Variants in FAM83C observed in about 807,000 individuals in gnomAD.
FAM83C encodes protein FAM83C.
FAM83C carries 23 observed loss-of-function variants against 27.1 expected under a neutral mutation model. The observed-to-expected ratio is 0.85, with a 90% CI of 0.61 to 1.20. FAM83C has a LOEUF of 1.20. FAM83C is among the 50% of genes most tolerant of loss of function. FAM83C has a pLI of 0.00. For missense variants in FAM83C, 984 were observed against 1,001.3 expected, an observed-to-expected ratio of 0.98 and a Z score of 0.23; for synonymous variants, 426 against 423.1, an observed-to-expected ratio of 1.01 and a Z score of -0.09.
At position 35,286,492 on chromosome 20, in the gene FAM83C, G is replaced by A. The variant is rs776117018; in HGVS notation, c.*43C>T. The A allele has an allele frequency of 1.3e-6, 2 of 1,530,080 alleles. No individual in the cohort carries two copies. Among genetic ancestry groups the A allele is most frequent in the Non-Finnish European group, 1.8e-6 (2 of 1,140,314 alleles). The allele number at this position is 1,530,080 out of a possible 1,614,324, so 94.8% of individuals were successfully genotyped here. On this transcript the variant is annotated 3_prime_UTR_variant, in exon 4 of 4. Coordinates refer to ENST00000374408, the MANE Select transcript of FAM83C (RefSeq NM_178468.6). ...GTCCAGAGTCTCGGTGGACAGAGGA[G>A]GGGCCTGCCCTTGCCAGTGCACCCC... is the stretch of plus-strand genomic sequence containing the variant.
In FAM83C at chr20:35,286,998, G is replaced by C. The variant is rs767610653; in HGVS notation, c.1781C>G (p.Ser594Ter). Residue 594 changes from serine (S) to a stop codon, truncating the protein, a stop_gained, in exon 4 of 4, where the codon TCA (serine) becomes TGA (stop). Coordinates refer to ENST00000374408, the MANE Select transcript of FAM83C (RefSeq NM_178468.6). LOFTEE classifies it high-confidence loss of function. ...CTTGGGGTACTGCATCAGGAGGTCTGATTGGCCACGGCTTTGGTTTAGGGA... is the reference window on the plus strand; with the variant it reads ...CTTGGGGTACTGCATCAGGAGGTCTCATTGGCCACGGCTTTGGTTTAGGGA... ...RLSLNQSRGQ[S>*]DLLMQYPKAQ... The C allele has an allele frequency of 3.7e-6, 6 of 1,610,358 alleles. No homozygotes were observed. Among genetic ancestry groups the C allele is most frequent in the Non-Finnish European group, 5.1e-6 (6 of 1,180,008 alleles).
chr20:35,286,548 C>G lies in FAM83C; in HGVS notation c.2231G>C (p.Arg744Pro). The G allele has an allele frequency of 1.2e-6, 2 of 1,609,754 alleles. No individual in the cohort carries two copies. The highest frequency in any genetic ancestry group is 1.7e-6 in the Non-Finnish European group (2 of 1,177,574). The change falls in exon 4 of 4, where the codon CGC becomes CCC. Residue 744 changes from arginine (R) to proline (P), a missense_variant. Arg to Pro is a moderately radical substitution (Grantham distance 103). Transcript: ENST00000374408. ...CCAGTCCTTTGGCTAGGACTCAAAG[C>G]GGCTTCGGAGCTGCTTGAACTTGGA... ...NKSKFKQLRS[R>P]FES
chr20:35,288,953 C>T lies in FAM83C; in HGVS notation c.519G>A (p.Val173=). 1 of 1,613,224 alleles carries T rather than the reference C, an allele frequency of 6.2e-7. No individual in the cohort carries two copies. Among genetic ancestry groups the T allele is most frequent in the Non-Finnish European group, 8.5e-7 (1 of 1,179,580 alleles). The change falls in exon 2 of 4, where the codon GTG becomes GTA. Residue 173 remains valine, a synonymous_variant. Coordinates refer to ENST00000374408, the MANE Select transcript of FAM83C (RefSeq NM_178468.6). The part of the protein sequence containing the change: ...RFLFSQAHTV[V]AVVMDIFTDM... ...CAGTGAATATGTCCATCACCACAGC[C>T]ACCACCTGGGTGGGGGGAGGCACAC...
intron 3 of FAM83C, 22 bp from the exon 4 acceptor site, chr20:35,287,994 G>C (rs1038708645): frequency 6.4e-7 from 1 of 1,554,500 alleles, no homozygotes; most frequent in Non-Finnish European, 8.7e-7. Context: ...GGGACAGGGG[G>C]GTCAGGAGGC....
chr20:35,292,363 C>T lies in FAM83C; in HGVS notation c.-59G>A. 1 of 1,435,906 alleles carries T rather than the reference C, an allele frequency of 7.0e-7. No individual in the cohort carries two copies. Among genetic ancestry groups the T allele is most frequent in the Non-Finnish European group, 9.1e-7 (1 of 1,101,734 alleles). The allele number at this position is 1,435,906 out of a possible 1,614,324, so 88.9% of individuals were successfully genotyped here. On this transcript the variant is annotated 5_prime_UTR_variant, in exon 1 of 4. Coordinates refer to ENST00000374408, the MANE Select transcript of FAM83C (RefSeq NM_178468.6). The stretch of plus-strand genomic sequence containing the variant: ...GCCCATGGCCCGCACGCTGGGCTGG[C>T]TGCAGCAGGAAGAGGAGACCAGCAG...
chr20:35,287,235 G>C lies in FAM83C; in HGVS notation c.1544C>G (p.Pro515Arg), dbSNP rs775186929. 4.3e-6 allele frequency: 7 copies of C among 1,612,796 alleles called. No individual in the cohort carries two copies. The highest frequency in any genetic ancestry group is 5.9e-6 in the Non-Finnish European group (7 of 1,179,994). The change falls in exon 4 of 4, where the codon CCC (proline) becomes CGC (arginine). Residue 515 changes from proline (P) to arginine (R), a missense_variant. Transcript: ENST00000374408. The part of the protein sequence containing the change: ...RGQLDLLVPF[P>R]RAREVGDPDS... ...AGGGTCTCCCACTTCTCGGGCTCTGGGGAAGGGGACAAGGAGATCCAGCTG... is the reference window on the plus strand; with the variant it reads ...AGGGTCTCCCACTTCTCGGGCTCTGCGGAAGGGGACAAGGAGATCCAGCTG...
At chr20:35,289,968 A>G (rs1288086619) in intron 1 of FAM83C, among the ~76,000 whole-genome samples, 1 of 151,594 alleles carries the variant, frequency 6.6e-6, no homozygotes, top group Non-Finnish European at 1.5e-5. Flanking sequence ...AGTTCCTGGC[A>G]CTCCCCCGAC....
chr20:35,287,869 A>G lies in FAM83C; in HGVS notation c.910T>C (p.Ser304Pro), dbSNP rs1568635001. Reference sequence around the variant, plus strand: ...CCACAGAAGCCCTCCACAGGCTGCGACTCAGCGTACAGACAGCGGAACTCC... The same window carrying G: ...CCACAGAAGCCCTCCACAGGCTGCGGCTCAGCGTACAGACAGCGGAACTCC... ...DREFRCLYAE[S>P]QPVEGFCGGE... The change falls in exon 4 of 4, where the codon TCG becomes CCG. Residue 304 changes from serine (S) to proline (P), a missense_variant. Physicochemically the swap from Ser to Pro is moderately conservative, Grantham distance 74. Coordinates refer to ENST00000374408, the MANE Select transcript of FAM83C (RefSeq NM_178468.6). 1 of 1,563,448 alleles carries G rather than the reference A, an allele frequency of 6.4e-7. No individual in the cohort carries two copies.
chr20:35,289,243 CT>C (rs1174112671), intron 1 of FAM83C, among the ~76,000 whole-genome samples: 2 of 152,190 alleles, frequency 1.3e-5, no homozygotes, highest in African/African-American at 2.4e-5. Context: ...TCATAGCTCT[CT>C]TCTGCCTAGA....
Position 35,287,665 on chromosome 20 carries a change from T to C in FAM83C, c.1114A>G (p.Ser372Gly), listed in dbSNP as rs1347993572. 13 of 1,613,862 alleles carry C rather than the reference T, an allele frequency of 8.1e-6. No individual in the cohort carries two copies. Among genetic ancestry groups the C allele is most frequent in the South Asian group, 1.1e-5 (1 of 91,078 alleles). Residue 372 changes from serine to glycine, a missense_variant, in exon 4 of 4, where the codon AGT (serine) becomes GGT (glycine). Coordinates refer to ENST00000374408, the MANE Select transcript of FAM83C (RefSeq NM_178468.6). ...GACGAGGACACCACACCCGTATCAC[T>C]GCAATCACCACCTCCTGGTAGAGCG... ...YLALPGGGDCSDTGVVSSSLG... is the reference protein window; with the variant it reads ...YLALPGGGDCGDTGVVSSSLG...
chr20:35,288,639 C>T, intron 2 of FAM83C, 54 bp from the exon 3 acceptor site: 1 of 1,604,158 alleles, frequency 6.2e-7, no homozygotes, highest in Non-Finnish European at 8.5e-7. Flanking sequence ...CAAGCCATGT[C>T]TCTGCCCCAT....
chr20:35,287,213 G>A lies in FAM83C; in HGVS notation c.1566C>T (p.Asp522=). 1.9e-6 allele frequency: 3 copies of A among 1,612,118 alleles called. No homozygotes were observed. The highest frequency in any genetic ancestry group is 2.5e-6 in the Non-Finnish European group (3 of 1,179,938). Residue 522 remains aspartate (D), a synonymous_variant, in exon 4 of 4, where the codon GAC becomes GAT. Transcript: ENST00000374408. ...AGTTGGGGGTAACCCCAGAGTCAGGGTCTCCCACTTCTCGGGCTCTGGGGA... is the reference window on the plus strand; with the variant it reads ...AGTTGGGGGTAACCCCAGAGTCAGGATCTCCCACTTCTCGGGCTCTGGGGA... ...VPFPRAREVG[D]PDSGVTPNSG...
intron 3 of FAM83C, 83 bp downstream of exon 3, chr20:35,288,378 G>A: frequency 6.3e-7 from 1 of 1,581,044 alleles, no homozygotes; most frequent in Non-Finnish European, 8.6e-7. Context: ...CGTGTCCGAA[G>A]GAAAGGATGA....
chr20:35,291,723 G>A (rs2060847289), intron 1 of FAM83C, 69 bp downstream of exon 1: 1 of 1,595,050 alleles, frequency 6.3e-7, no homozygotes, highest in Non-Finnish European at 8.6e-7. Context: ...GCCTTGGGCT[G>A]GTCCCTTCCC....
At position 35,288,919 on chromosome 20, in the gene FAM83C, G is replaced by A. The variant is rs1462900016; in HGVS notation, c.553C>T (p.Leu185Phe). The A allele has an allele frequency of 5.0e-6, 8 of 1,614,072 alleles. No homozygotes were observed. Among genetic ancestry groups the A allele is most frequent in the Non-Finnish European group, 5.9e-6 (7 of 1,180,014 alleles). The change falls in exon 2 of 4, where the codon CTT (leucine) becomes TTT (phenylalanine). Residue 185 changes from leucine to phenylalanine, a missense_variant. By Grantham distance (22) the Leu-to-Phe change is conservative (BLOSUM62 0). Coordinates refer to ENST00000374408, the MANE Select transcript of FAM83C (RefSeq NM_178468.6). ...GAGGCCTCCATGAGGTCACACAGAA[G>A]CTCCATGTCAGTGAATATGTCCATC... ...VVMDIFTDME[L>F]LCDLMEASSR...
chr20:35,288,028 GCAGGAGTCACAGC>G, intron 3 of FAM83C, 56 bp from the exon 4 acceptor site: 1 of 1,457,836 alleles, frequency 6.9e-7, no homozygotes, highest in Non-Finnish European at 9.3e-7. Context: ...CTGGGGGTCG[GCAGGAGTCACAGC>G]CAGGGGTGCA....
At chr20:35,288,621 G>A (rs751678863) in intron 2 of FAM83C, 36 bp from the exon 3 acceptor site, 1 of 1,611,318 alleles carries the variant, frequency 6.2e-7, no homozygotes, top group African/African-American at 1.3e-5. Context: ...CCTTGAGAGA[G>A]TGAGGCTCAA....
In FAM83C at chr20:35,286,375, G is replaced by GTA; in HGVS notation, c.*159_*160insTA. ...TTAGGGTGTGTGTGTGTGTGTGTGTGTGTGTGTGTGTACACAAGAATCTTG... is the reference window on the plus strand; with the variant it reads ...TTAGGGTGTGTGTGTGTGTGTGTGTGTATGTGTGTGTGTACACAAGAATCTTG... On this transcript the variant is annotated 3_prime_UTR_variant, in exon 4 of 4. Coordinates refer to ENST00000374408, the MANE Select transcript of FAM83C (RefSeq NM_178468.6). 1.6e-6 allele frequency: 1 copy of GTA among 610,650 alleles called. No homozygotes were observed. The highest frequency in any genetic ancestry group is 2.9e-6 in the Non-Finnish European group (1 of 350,808). The allele number at this position is 610,650 out of a possible 1,614,324, so 37.8% of individuals were successfully genotyped here.
chr20:35,288,592 G>A lies in FAM83C; in HGVS notation c.682-7C>T, dbSNP rs544543818. The A allele has an allele frequency of 6.2e-7, 1 of 1,613,980 alleles. No individual in the cohort carries two copies. Among genetic ancestry groups the A allele is most frequent in the South Asian group, 1.1e-5 (1 of 91,052 alleles). Reference sequence around the variant, plus strand: ...TGCTCCGCACACGCATGTTCTAGGTGGAAGTAGGTTGGGGGTGACCTTGAG... The same window carrying A: ...TGCTCCGCACACGCATGTTCTAGGTAGAAGTAGGTTGGGGGTGACCTTGAG... On this transcript the variant is annotated splice_region_variant and splice_polypyrimidine_tract_variant and intron_variant, in intron 2 of 3. Transcript: ENST00000374408.
Sources: allele counts gnomAD v4.1 joint callset (sites outside exome capture counted in the v4.1 genomes callset), GRCh38; gene constraint gnomAD v4.1.1; transcripts MANE v1.5; gene names NCBI Gene and HGNC (gene_info 2026-07-23, HGNC 2026-07-21).